PSMD13: variants seen among roughly 807,000 people sequenced by gnomAD.
The protein encoded by PSMD13 is proteasome 26S subunit, non-ATPase 13.
In PSMD13, 8 loss-of-function variants were observed where a neutral mutation model predicts 57.4. The ratio of observed to expected loss-of-function variants is 0.14; its 90% CI spans 0.08 to 0.25. The LOEUF is 0.25. Among genes scored for constraint, PSMD13 ranks in the 10% least tolerant of loss-of-function variants. The pLI is 1.00. For missense variants in PSMD13, 400 were observed against 461.5 expected, an observed-to-expected ratio of 0.87 and a Z score of 1.22; for synonymous variants, 193 against 168.2, an observed-to-expected ratio of 1.15 and a Z score of -1.14.
intron 2 of PSMD13, among the ~76,000 whole-genome samples, chr11:242,533 G>A (rs1200914206): frequency 4.0e-5 from 6 of 149,850 alleles, no homozygotes; most frequent in Non-Finnish European, 8.8e-5. Context: ...TCCATTTTAA[G>A]ATATTCTTTC....
Position 252,772 on chromosome 11 carries a change from GC to G in PSMD13, c.*174del. On this transcript the variant is annotated 3_prime_UTR_variant, in exon 13 of 13. Transcript: ENST00000532097. This position sits in a 1 kb window ranked among gnomAD's most constrained non-coding sequence, Gnocchi z 4.1. ...CAGGACTGTCCCTGATGGGAGCCAG[GC>G]CACAGGGAGGAGGCTTCTTTGTGGG... The G allele has an allele frequency of 1.7e-6, 1 of 597,848 alleles. No individual in the cohort carries two copies. The highest frequency in any genetic ancestry group is 2.9e-6 in the Non-Finnish European group (1 of 340,318). 37.0% of individuals were successfully genotyped at this position (597,848 alleles called of 1,614,324 possible). A position where few individuals can be genotyped will look rare whatever the true frequency, so the allele number is the denominator to read the frequency against.
At chr11:244,127 G>A (rs767414171) in intron 3 of PSMD13, 34 bp from the exon 4 acceptor site, 26 of 1,606,246 alleles carry the variant, frequency 1.6e-5, no homozygotes, top group Middle Eastern at 1.6e-4. Context: ...ATTGATGCTC[G>A]GCGGTGCTCA....
rs1859756647 is a variant in PSMD13, at chr11:251,026, T to C, written c.837+161T>C. On this transcript the variant is annotated intron_variant, in intron 10 of 12. Coordinates refer to ENST00000532097, the MANE Select transcript of PSMD13 (RefSeq NM_002817.4). This position sits in a 1 kb window ranked among gnomAD's most constrained non-coding sequence, Gnocchi z 4.6. ...CACCTTCCTTTTCCTTTGCTACCAC[T>C]TGCTCTTCTAAGTTTATATTTGGCT... is the stretch of plus-strand genomic sequence containing the variant. 4.5e-6 allele frequency: 3 copies of C among 668,960 alleles called. No homozygotes were observed. The highest frequency in any genetic ancestry group is 7.8e-6 in the Non-Finnish European group (3 of 386,298). The allele number at this position is 668,960 out of a possible 1,614,324, so 41.4% of individuals were successfully genotyped here.
At chr11:244,501 TACCTTTTAG>T (rs2133986898) in intron 5 of PSMD13, 32 bp downstream of exon 5, 1 of 1,283,944 alleles carries the variant, frequency 7.8e-7, no homozygotes, top group East Asian at 2.6e-5. Context: ...TACCTTTTAG[TACCTTTTAG>T]AGTATGTATG....
At chr11:249,963 G>A (rs1270739251) in intron 9 of PSMD13, among the ~76,000 whole-genome samples, 3 of 151,946 alleles carry the variant, frequency 2.0e-5, no homozygotes, top group Non-Finnish European at 4.4e-5. Flanking sequence ...ACCTAACTGT[G>A]GTCTGATTAT....
rs554658824 is a variant in PSMD13 at position 251,891 on chromosome 11, A to C, written c.990A>C (p.Arg330=). ...VKGSIDEVDK[R]VHMTWVQPRV... is the part of the protein sequence containing the mutation. Reference sequence around the variant, plus strand: ...GCAGTATAGACGAGGTGGACAAACGAGTCCACATGACCTGGGTGCAGCCCC... The same window carrying C: ...GCAGTATAGACGAGGTGGACAAACGCGTCCACATGACCTGGGTGCAGCCCC... The change falls in exon 12 of 13, where the codon CGA becomes CGC. Residue 330 remains arginine (R), a synonymous_variant. Coordinates refer to ENST00000532097, the MANE Select transcript of PSMD13 (RefSeq NM_002817.4). The surrounding 1 kb of genome is among the most constrained non-coding windows in gnomAD (Gnocchi z 4.6). 1.5e-5 allele frequency: 24 copies of C among 1,614,134 alleles called. No homozygotes were observed. In the African/African-American group the frequency reaches 3.2e-4, roughly 22 times the overall value.
Position 252,734 on chromosome 11 carries a change from C to A in PSMD13, c.*134C>A. On this transcript the variant is annotated 3_prime_UTR_variant, in exon 13 of 13. Coordinates refer to ENST00000532097, the MANE Select transcript of PSMD13 (RefSeq NM_002817.4). The surrounding 1 kb of genome is among the most constrained non-coding windows in gnomAD (Gnocchi z 4.1). ...GATCCTGTCTGAAGTACAGACTGTT[C>A]TTGCTCTAAAAACAGGACTGTCCCT... 1 of 773,116 alleles carries A rather than the reference C, an allele frequency of 1.3e-6. No individual in the cohort carries two copies. Among genetic ancestry groups the A allele is most frequent in the Non-Finnish European group, 2.1e-6 (1 of 474,236 alleles). The allele number at this position is 773,116 out of a possible 1,614,324, so 47.9% of individuals were successfully genotyped here.
In PSMD13 at chr11:247,358, A is replaced by T; in HGVS notation, c.478A>T (p.Ser160Cys). Residue 160 changes from serine (S) to cysteine (C), a missense_variant, in exon 7 of 13, where the codon AGT (serine) becomes TGT (cysteine). By Grantham distance (112) the Ser-to-Cys change is moderately radical. Coordinates refer to ENST00000532097, the MANE Select transcript of PSMD13 (RefSeq NM_002817.4). The stretch of plus-strand genomic sequence containing the variant: ...TCACAGTCGTTTCTATGATCTCTCC[A>T]GTAAATACTATCAAACAATCGGAAA... ...SVHSRFYDLS[S>C]KYYQTIGNHA... 6.2e-7 allele frequency: 1 copy of T among 1,613,834 alleles called. No homozygotes were observed. The highest frequency in any genetic ancestry group is 8.5e-7 in the Non-Finnish European group (1 of 1,179,724).
Position 252,730 on chromosome 11 carries a change from T to G in PSMD13, c.*130T>G. The G allele has an allele frequency of 1.3e-6, 1 of 799,542 alleles. No individual in the cohort carries two copies. Among genetic ancestry groups the G allele is most frequent in the South Asian group, 1.6e-5 (1 of 62,908 alleles). The allele number at this position is 799,542 out of a possible 1,614,324, so 49.5% of individuals were successfully genotyped here. ...TTGGGATCCTGTCTGAAGTACAGAC[T>G]GTTCTTGCTCTAAAAACAGGACTGT... On this transcript the variant is annotated 3_prime_UTR_variant, in exon 13 of 13. Transcript: ENST00000532097. The surrounding 1 kb of genome is among the most constrained non-coding windows in gnomAD (Gnocchi z 4.1).
At chr11:245,229 C>T (rs753064794) in intron 6 of PSMD13, among the ~76,000 whole-genome samples, 7 of 152,178 alleles carry the variant, frequency 4.6e-5, no homozygotes, top group East Asian at 1.9e-4. Context: ...AGCCGTGAGC[C>T]GCTGCGCCCA....
intron 2 of PSMD13, chr11:243,090 GGA>G: frequency 4.0e-6 from 2 of 501,304 alleles, no homozygotes; most frequent in South Asian, 1.8e-5. Flanking sequence ...CACTGCGCCC[GGA>G]TGGTTACGTC....
intron 2 of PSMD13, 140 bp downstream of exon 2, chr11:239,216 C>A: frequency 1.3e-6 from 1 of 793,398 alleles, no homozygotes; most frequent in South Asian, 1.5e-5. Context: ...CTGAGCGCTT[C>A]ACATATCCTT....
rs772785967 is a variant in PSMD13 at position 244,717 on chromosome 11, A to G, written c.352A>G (p.Ile118Val). 8.1e-6 allele frequency: 13 copies of G among 1,613,954 alleles called. No individual in the cohort carries two copies. Among genetic ancestry groups the G allele is most frequent in the South Asian group, 1.1e-5 (1 of 91,062 alleles). ...GGCAGTGATCCTGTGTAAAACAGCA[A>G]TTGGAGCTCTAAAATTAAACATCGG... ...DEAVILCKTA[I>V]GALKLNIGDL... Residue 118 changes from isoleucine (I) to valine (V), a missense_variant, in exon 6 of 13, where the codon ATT becomes GTT. Coordinates refer to ENST00000532097, the MANE Select transcript of PSMD13 (RefSeq NM_002817.4).
rs1859779102 is a variant in PSMD13, at chr11:252,302, T to C, written c.1036-203T>C. 1.8e-6 allele frequency: 1 copy of C among 563,904 alleles called. No individual in the cohort carries two copies. Among genetic ancestry groups the C allele is most frequent in the East Asian group, 2.9e-5 (1 of 34,066 alleles). 34.9% of individuals were successfully genotyped at this position (563,904 alleles called of 1,614,324 possible). Reference sequence around the variant, plus strand: ...CTCTGTCCTTGTCTGCTTTCTTTCATGCAAGTTTTTTCTAACGTTCCTGTG... The same window carrying C: ...CTCTGTCCTTGTCTGCTTTCTTTCACGCAAGTTTTTTCTAACGTTCCTGTG... On this transcript the variant is annotated intron_variant, in intron 12 of 12. Transcript: ENST00000532097. The surrounding 1 kb of genome is among the most constrained non-coding windows in gnomAD (Gnocchi z 4.1).
Position 251,007 on chromosome 11 carries a change from C to T in PSMD13, c.837+142C>T. ...TGTGCGCCGCTCTCTTCACCACCTT[C>T]CTTTTCCTTTGCTACCACTTGCTCT... On this transcript the variant is annotated intron_variant, in intron 10 of 12. Coordinates refer to ENST00000532097, the MANE Select transcript of PSMD13 (RefSeq NM_002817.4). The surrounding 1 kb of genome is among the most constrained non-coding windows in gnomAD (Gnocchi z 4.6). The T allele has an allele frequency of 1.4e-6, 1 of 729,442 alleles. No individual in the cohort carries two copies. The highest frequency in any genetic ancestry group is 1.6e-5 in the South Asian group (1 of 62,484). The allele number at this position is 729,442 out of a possible 1,614,324, so 45.2% of individuals were successfully genotyped here. A position where few individuals can be genotyped will look rare whatever the true frequency, so the allele number is the denominator to read the frequency against.
chr11:251,601 A>C lies in PSMD13; in HGVS notation c.893A>C (p.Lys298Thr). 6.2e-7 allele frequency: 1 copy of C among 1,614,094 alleles called. No individual in the cohort carries two copies. The part of the protein sequence containing the change: ...HRQLTFEEIA[K>T]SAKITVNEVE... ...CAACTCACTTTTGAAGAAATTGCCA[A>C]AAGTGCTAAAATCACAGTGAATGAG... The change falls in exon 11 of 13, where the codon AAA (lysine) becomes ACA (threonine). Residue 298 changes from lysine to threonine, a missense_variant. Physicochemically the swap from Lys to Thr is moderately conservative, Grantham distance 78. Coordinates refer to ENST00000532097, the MANE Select transcript of PSMD13 (RefSeq NM_002817.4). This position sits in a 1 kb window ranked among gnomAD's most constrained non-coding sequence, Gnocchi z 4.6.
chr11:252,522 C>G lies in PSMD13; in HGVS notation c.1053C>G (p.Asp351Glu), dbSNP rs756039292. ...CATTTCAGATCAAGGGAATGAAGGACCGCCTGGAGTTCTGGTGCACGGATG... is the reference window on the plus strand; with the variant it reads ...CATTTCAGATCAAGGGAATGAAGGAGCGCCTGGAGTTCTGGTGCACGGATG... ...LDLQQIKGMK[D>E]RLEFWCTDVK... is the part of the protein sequence containing the mutation. Residue 351 changes from aspartate (D) to glutamate (E), a missense_variant, in exon 13 of 13, where the codon GAC becomes GAG. Asp to Glu is a conservative substitution (Grantham distance 45, BLOSUM62 2). Transcript: ENST00000532097. This position sits in a 1 kb window ranked among gnomAD's most constrained non-coding sequence, Gnocchi z 4.1. The G allele has an allele frequency of 2.5e-6, 4 of 1,614,134 alleles. No individual in the cohort carries two copies. The highest frequency in any genetic ancestry group is 2.5e-6 in the Non-Finnish European group (3 of 1,180,026).
At chr11:238,334 T>C (rs1859423363) in intron 1 of PSMD13, among the ~76,000 whole-genome samples, 1 of 152,244 alleles carries the variant, frequency 6.6e-6, no homozygotes, top group Non-Finnish European at 1.5e-5. Flanking sequence ...TCTAGATTAA[T>C]GTTCTCCATT....
chr11:245,098 GC>G (rs912017464), intron 6 of PSMD13, among the ~76,000 whole-genome samples: 4 of 151,960 alleles, frequency 2.6e-5, no homozygotes, highest in African/African-American at 7.3e-5. Flanking sequence ...GTGCCTCCCT[GC>G]CCGGCTAATT....
Sources: gnomAD v4.1 joint callset for allele counts (sites outside exome capture counted in the v4.1 genomes callset) on GRCh38, gnomAD v4.1.1 for gene constraint, Gnocchi (gnomAD v3.1) non-coding constraint, MANE v1.5 for transcripts, NCBI Gene and HGNC (gene_info 2026-07-23, HGNC 2026-07-21) for gene names.